The following ZNF469 variants were observed in gnomAD, a reference collection of about 807,000 sequenced individuals.
The protein encoded by ZNF469 is zinc finger protein 469.
In ZNF469, 1 loss-of-function variant was observed where a neutral mutation model predicts 1.0. The ratio of observed to expected loss-of-function variants is 1.00; its 90% CI spans 0.35 to 4.73. The LOEUF is 4.73. Among genes scored for constraint, ZNF469 ranks in the 30% most tolerant of loss-of-function variants. The probability of loss-of-function intolerance (pLI) is 0.16; values close to 1 mark genes in which losing one functional copy is unlikely to be tolerated. For missense variants in ZNF469, 6,100 were observed against 5,356.3 expected, an observed-to-expected ratio of 1.14 and a Z score of -4.33; for synonymous variants, 2,703 against 2,363.4, an observed-to-expected ratio of 1.14 and a Z score of -4.17.
the ZNF469 span, among the ~76,000 whole-genome samples, chr16:88,203,405 C>T: frequency 6.6e-6 from 1 of 152,190 alleles, no homozygotes; most frequent in Non-Finnish European, 1.5e-5. Context: ...GCGGCGCCTG[C>T]CTCCTCTCCT....
At chr16:88,235,105 G>C in the ZNF469 span, among the ~76,000 whole-genome samples, 110,359 of 151,908 alleles carry the variant, frequency 0.73, 42,250 homozygotes, top group Middle Eastern at 0.87. Flanking sequence ...CCCGGCGCTG[G>C]GGCTGCTGCT....
the ZNF469 span, among the ~76,000 whole-genome samples, chr16:88,152,716 C>T: frequency 2.6e-5 from 4 of 152,302 alleles, no homozygotes; most frequent in African/African-American, 9.6e-5. This position sits in a 1 kb window ranked among gnomAD's most constrained non-coding sequence, Gnocchi z 4.2. Context: ...TGGTAAATCA[C>T]TTCCCTCTCT....
chr16:88,208,893 G>A, the ZNF469 span, among the ~76,000 whole-genome samples: 1 of 149,924 alleles, frequency 6.7e-6, no homozygotes, highest in Non-Finnish European at 1.5e-5. Context: ...GAATACCTGC[G>A]AGTCCTTCCC....
chr16:88,381,275 C>T (rs2092523987), upstream of ZNF469, among the ~76,000 whole-genome samples: 1 of 150,584 alleles, frequency 6.6e-6, no homozygotes, highest in Non-Finnish European at 1.5e-5. Flanking sequence ...CACAGACATG[C>T]ACTCACACAC....
chr16:88,262,473 C>T, the ZNF469 span, among the ~76,000 whole-genome samples: 1 of 152,142 alleles, frequency 6.6e-6, no homozygotes, highest in Non-Finnish European at 1.5e-5. The surrounding 1 kb of genome is among the most constrained non-coding windows in gnomAD (Gnocchi z 4.3). Flanking sequence ...TTGCAGGTCA[C>T]GGATGGCTGC....
At chr16:88,365,451 C>A in the ZNF469 span, among the ~76,000 whole-genome samples, 1 of 152,066 alleles carries the variant, frequency 6.6e-6, no homozygotes, top group Non-Finnish European at 1.5e-5. Flanking sequence ...TCAGAAGGGG[C>A]CAAGCACCCA....
the ZNF469 span, among the ~76,000 whole-genome samples, chr16:88,362,955 T>G: frequency 3.0e-4 from 45 of 152,348 alleles, no homozygotes; most frequent in Non-Finnish European, 5.6e-4. Flanking sequence ...TTCAAACTTA[T>G]GAATTTTTTT....
At chr16:88,122,094 C>A in the ZNF469 span, among the ~76,000 whole-genome samples, 1 of 148,118 alleles carries the variant, frequency 6.8e-6, no homozygotes, top group South Asian at 2.2e-4. Context: ...CCTCGGCAGC[C>A]CCTCGGATCA....
At chr16:88,306,980 C>G in the ZNF469 span, among the ~76,000 whole-genome samples, 2 of 152,330 alleles carry the variant, frequency 1.3e-5, no homozygotes, top group Middle Eastern at 3.4e-3. Flanking sequence ...ACTCCAGGCC[C>G]TTTATCATCA....
the ZNF469 span, among the ~76,000 whole-genome samples, chr16:88,200,202 G>A: frequency 3.3e-5 from 5 of 152,294 alleles, no homozygotes; most frequent in South Asian, 2.1e-4. Context: ...CGCAGAAGGC[G>A]GCATTTGGGG....
At chr16:88,425,102 G>A (rs1267568707) in intron 2 of ZNF469, among the ~76,000 whole-genome samples, 1 of 152,160 alleles carries the variant, frequency 6.6e-6, no homozygotes, top group African/African-American at 2.4e-5. Flanking sequence ...CATGGCAGCC[G>A]CTGAGCCAGC....
chr16:88,290,457 G>C, the ZNF469 span, among the ~76,000 whole-genome samples: 1 of 152,140 alleles, frequency 6.6e-6, no homozygotes. Flanking sequence ...TGTCACAGTT[G>C]GGCCATGACA....
At chr16:88,203,601 C>A in the ZNF469 span, among the ~76,000 whole-genome samples, 2 of 152,194 alleles carry the variant, frequency 1.3e-5, no homozygotes, top group African/African-American at 4.8e-5. Context: ...GGCCATGCTG[C>A]CTGGGGGGTC....
At chr16:88,123,511 C>T in the ZNF469 span, among the ~76,000 whole-genome samples, 3 of 152,064 alleles carry the variant, frequency 2.0e-5, no homozygotes, top group Non-Finnish European at 4.4e-5. Context: ...TAGGAATAAA[C>T]TGCCGTGGAT....
the ZNF469 span, among the ~76,000 whole-genome samples, chr16:88,376,580 TC>T: frequency 2.0e-5 from 3 of 152,224 alleles, no homozygotes; most frequent in Admixed American, 6.5e-5. Context: ...CCGGCCGGTC[TC>T]CACCGCCTCT....
At chr16:88,209,764 A>G in the ZNF469 span, among the ~76,000 whole-genome samples, 8 of 152,108 alleles carry the variant, frequency 5.3e-5, no homozygotes, top group East Asian at 1.5e-3. Flanking sequence ...GCTGCATAGT[A>G]CTCCACTGTT....
the ZNF469 span, among the ~76,000 whole-genome samples, chr16:88,375,685 G>A: frequency 3.9e-5 from 6 of 152,338 alleles, no homozygotes; most frequent in South Asian, 2.1e-4. Context: ...GGGCGCCATC[G>A]CAGGCATGAG....
Position 88,434,295 on chromosome 16 carries a change from G to A in ZNF469, c.6825G>A (p.Gly2275=), listed in dbSNP as rs780211919. 3 of 1,550,340 alleles carry A rather than the reference G, an allele frequency of 1.9e-6. No homozygotes were observed. Among genetic ancestry groups the A allele is most frequent in the Non-Finnish European group, 2.6e-6 (3 of 1,146,960 alleles). The change falls in exon 3 of 3, where the codon GGG becomes GGA. Residue 2275 remains glycine, a synonymous_variant. Transcript: ENST00000565624. The part of the protein sequence containing the change: ...PGRATSPPLA[G]AVSPSVAVRA... Reference sequence around the variant, plus strand: ...GAGCCACCTCTCCTCCTCTGGCAGGGGCCGTCTCCCCCAGCGTGGCCGTCA... The same window carrying A: ...GAGCCACCTCTCCTCCTCTGGCAGGAGCCGTCTCCCCCAGCGTGGCCGTCA...
Position 88,430,127 on chromosome 16 carries a change from A to T in ZNF469, c.2657A>T (p.Lys886Met). 6.5e-7 allele frequency: 1 copy of T among 1,550,122 alleles called. No individual in the cohort carries two copies. Among genetic ancestry groups the T allele is most frequent in the Admixed American group, 2.0e-5 (1 of 51,008 alleles). ...GGTCCCAGCTCCGGACACCCCCTTA[A>T]GAGCAAGGCGGGGGTGACTCCAGAG... ...PRGPSSGHPL[K>M]SKAGVTPESK... The change falls in exon 3 of 3, where the codon AAG becomes ATG. Residue 886 changes from lysine (K) to methionine (M), a missense_variant. Transcript: ENST00000565624.
Sources: gnomAD v4.1 joint callset for allele counts (sites outside exome capture counted in the v4.1 genomes callset) on GRCh38, gnomAD v4.1.1 for gene constraint, Gnocchi (gnomAD v3.1) non-coding constraint, MANE v1.5 for transcripts, NCBI Gene and HGNC (gene_info 2026-07-23, HGNC 2026-07-21) for gene names.